NLGN1: variants seen among roughly 807,000 people sequenced by gnomAD.
The protein encoded by NLGN1 is neuroligin-1.
Under a neutral mutation model 65.5 loss-of-function variants are expected in NLGN1, and 12 were observed. That is an observed-to-expected ratio of 0.18 (90% CI 0.12 to 0.30). NLGN1 has a LOEUF of 0.30. Among genes scored for constraint, NLGN1 ranks in the 10% least tolerant of loss-of-function variants. The pLI is 1.00. For missense variants in NLGN1, 750 were observed against 1,007.1 expected (o/e 0.74, Z 3.46); for synonymous variants, 350 against 359.5 (o/e 0.97, Z 0.30).
At chr3:173,403,363 A>T (rs1718058291) in intron 1 of NLGN1, among the ~76,000 whole-genome samples, 1 of 152,152 alleles carries the variant, frequency 6.6e-6, no homozygotes, top group Non-Finnish European at 1.5e-5. Flanking sequence ...CAAACAGATC[A>T]CGTATCCTCA....
intron 3 of NLGN1, among the ~76,000 whole-genome samples, chr3:173,703,535 TTACA>T (rs2149896204): frequency 6.6e-6 from 1 of 152,298 alleles, no homozygotes; most frequent in South Asian, 2.1e-4. Context: ...AAATGCTGGA[TTACA>T]TAAGTATCAG....
intron 2 of NLGN1, among the ~76,000 whole-genome samples, chr3:173,531,324 G>A (rs1366434435): frequency 1.3e-5 from 2 of 151,964 alleles, no homozygotes; most frequent in Admixed American, 1.3e-4. Context: ...TAGTGTATAA[G>A]CAAAATAACA....
At chr3:173,905,235 T>C (rs560760961) in intron 4 of NLGN1, among the ~76,000 whole-genome samples, 19 of 152,194 alleles carry the variant, frequency 1.2e-4, no homozygotes, top group Non-Finnish European at 2.8e-4. Flanking sequence ...TTTTTACAGA[T>C]GAATGGCACT....
intron 2 of NLGN1, among the ~76,000 whole-genome samples, chr3:173,503,898 T>C (rs1447659966): frequency 2.0e-5 from 3 of 152,096 alleles, no homozygotes; most frequent in African/African-American, 7.2e-5. Context: ...ACTGGGATTT[T>C]TTTTTCTTTT....
intron 4 of NLGN1, among the ~76,000 whole-genome samples, chr3:174,017,140 C>T (rs1010523578): frequency 1.3e-5 from 2 of 152,054 alleles, no homozygotes; most frequent in Non-Finnish European, 2.9e-5. Context: ...ACCATAGGTG[C>T]TTATATTTTG....
At chr3:174,013,168 T>C (rs959718492) in intron 4 of NLGN1, among the ~76,000 whole-genome samples, 1 of 152,190 alleles carries the variant, frequency 6.6e-6, no homozygotes, top group Non-Finnish European at 1.5e-5. Flanking sequence ...GCAGTGAATC[T>C]TGAGTGAGTC....
chr3:173,685,711 T>A (rs1764587732), intron 3 of NLGN1: 1 of 985,160 alleles, frequency 1.0e-6, no homozygotes, highest in Admixed American at 6.2e-5. Context: ...TGGTAAATGA[T>A]CCCAAGAGTA....
chr3:174,255,435 CAAAAA>C (rs71162383), intron 4 of NLGN1, among the ~76,000 whole-genome samples: 1 of 70,220 alleles, frequency 1.4e-5, no homozygotes, highest in Non-Finnish European at 2.3e-5. Context: ...GACTCTGTCT[CAAAAA>C]AAAAAAAAAA....
intron 4 of NLGN1, among the ~76,000 whole-genome samples, chr3:174,263,089 A>G (rs1747277595): frequency 6.8e-6 from 1 of 146,106 alleles, no homozygotes; most frequent in Non-Finnish European, 1.5e-5. Flanking sequence ...TTTGCTGAGG[A>G]GAGCTTTACT....
intron 4 of NLGN1, among the ~76,000 whole-genome samples, chr3:174,015,639 A>G (rs1017623480): frequency 2.0e-5 from 3 of 152,164 alleles, no homozygotes; most frequent in African/African-American, 7.2e-5. Context: ...GACTCAGCAT[A>G]CTATAGATTT....
Position 173,478,623 on chromosome 3 carries a change from C to A in NLGN1, c.-321+43545C>A, listed in dbSNP as rs115802474. On this transcript the variant is annotated intron_variant, in intron 2 of 6. Transcript: ENST00000457714. ...GGAAATAGGCCAAGTGAAACAAGGA[C>A]AAAATGTGAAAATTGGGCTGGGCAC... Among the ~76,000 whole-genome samples, 555 of 152,118 alleles carry A rather than the reference C, an allele frequency of 3.6e-3. 3 individuals carry two copies. The highest frequency in any genetic ancestry group is 0.013 in the African/African-American group (534 of 41,502).
intron 2 of NLGN1, among the ~76,000 whole-genome samples, chr3:173,579,090 T>G (rs1480681560): frequency 2.6e-5 from 4 of 152,246 alleles, no homozygotes; most frequent in Non-Finnish European, 5.9e-5. Context: ...TATTTCTGAT[T>G]TAAACCCTTT....
intron 4 of NLGN1, among the ~76,000 whole-genome samples, chr3:174,036,103 T>C (rs1200704901): frequency 6.6e-6 from 1 of 152,192 alleles, no homozygotes; most frequent in Non-Finnish European, 1.5e-5. Context: ...TAATGCTATG[T>C]TATAAATATT....
chr3:174,167,705 C>T lies in NLGN1; in HGVS notation c.647-107610C>T, dbSNP rs985569678. ...TGGTGATATTCATTTTGTGTAGTATCTCATAAGTGTTCTTTTCATTTCTTC... is the reference window on the plus strand; with the variant it reads ...TGGTGATATTCATTTTGTGTAGTATTTCATAAGTGTTCTTTTCATTTCTTC... On this transcript the variant is annotated intron_variant, in intron 4 of 6. Coordinates refer to ENST00000457714, the Ensembl canonical transcript of NLGN1. Among the ~76,000 whole-genome samples the T allele has an allele frequency of 8.1e-5, 12 of 148,958 alleles. No homozygotes were observed. The Admixed American group carries it at 8.1e-4, about 10-fold the overall frequency.
intron 4 of NLGN1, among the ~76,000 whole-genome samples, chr3:174,191,783 TTTTG>T (rs139387413): frequency 1.3e-3 from 197 of 151,906 alleles, no homozygotes; most frequent in Middle Eastern, 3.4e-3. Flanking sequence ...TTTCAGGTTG[TTTTG>T]TTTGTTTGTT....
At chr3:173,678,458 A>C (rs1321816148) in intron 3 of NLGN1, among the ~76,000 whole-genome samples, 1 of 152,148 alleles carries the variant, frequency 6.6e-6, no homozygotes, top group Non-Finnish European at 1.5e-5. Flanking sequence ...GGCAGGCTTC[A>C]CAAAGGATGT....
chr3:174,037,117 C>T (rs142178179), intron 4 of NLGN1, among the ~76,000 whole-genome samples: 10 of 152,156 alleles, frequency 6.6e-5, no homozygotes, highest in East Asian at 5.8e-4. Flanking sequence ...GTATGTACCC[C>T]GTAATGGGAT....
chr3:173,700,736 A>G (rs1399862201), intron 3 of NLGN1, among the ~76,000 whole-genome samples: 3 of 152,182 alleles, frequency 2.0e-5, no homozygotes, highest in Admixed American at 1.3e-4. Context: ...TAACTGATAT[A>G]TGGTAGGGCA....
intron 3 of NLGN1, among the ~76,000 whole-genome samples, chr3:173,744,333 G>A (rs11916536): frequency 0.012 from 1,890 of 152,096 alleles, 36 homozygotes; most frequent in African/African-American, 0.041. Context: ...TTTATTGAAT[G>A]CCCAGACACT....
Sources: allele counts gnomAD v4.1 joint callset (sites outside exome capture counted in the v4.1 genomes callset), GRCh38; gene constraint gnomAD v4.1.1; transcripts MANE v1.5; gene names NCBI Gene and HGNC (gene_info 2026-07-23, HGNC 2026-07-21).